CLIC4: variants seen among roughly 807,000 people sequenced by gnomAD.
The protein encoded by CLIC4 is chloride intracellular channel protein 4.
A neutral mutation model predicts 24.6 loss-of-function variants in CLIC4; 13 were observed. That is an observed-to-expected ratio of 0.53 (90% CI 0.34 to 0.84). The LOEUF (loss-of-function observed/expected upper bound fraction) is 0.84, where lower values mean the gene tolerates loss of function less well. CLIC4 is among the 40% of genes least tolerant of loss of function. The pLI is 0.01. For missense variants in CLIC4, 227 were observed against 301.7 expected (o/e 0.75, Z 1.83); for synonymous variants, 104 against 111.3 (o/e 0.93, Z 0.41).
chr1:24,827,665 C>G lies in CLIC4; in HGVS notation c.415+549C>G, dbSNP rs1412701806. On this transcript the variant is annotated intron_variant, in intron 4 of 5. Coordinates refer to ENST00000374379, the MANE Select transcript of CLIC4 (RefSeq NM_013943.3). ...AGACATACTATCCTTCCAAATTTCT[C>G]TGCATCTTCAAGCTGGAATTTCATT... 2.7e-5 allele frequency among the ~76,000 whole-genome samples: 4 copies of G among 150,738 alleles called. No homozygotes were observed. In the East Asian group the frequency reaches 7.8e-4, roughly 30 times the overall value.
At chr1:24,804,053 G>A (rs1639519361) in intron 2 of CLIC4, among the ~76,000 whole-genome samples, 1 of 152,088 alleles carries the variant, frequency 6.6e-6, no homozygotes, top group Non-Finnish European at 1.5e-5. Flanking sequence ...TCATGATCAT[G>A]TCTCTGTGGT....
chr1:24,815,574 A>T (rs1021004070), intron 3 of CLIC4, among the ~76,000 whole-genome samples: 1 of 152,130 alleles, frequency 6.6e-6, no homozygotes, highest in African/African-American at 2.4e-5. Context: ...TTGCCGATGG[A>T]GGGTCTTGCC....
intron 2 of CLIC4, among the ~76,000 whole-genome samples, chr1:24,809,827 C>A (rs1639593967): frequency 6.6e-6 from 1 of 152,138 alleles, no homozygotes; most frequent in South Asian, 2.1e-4. Flanking sequence ...GGAAGGCAGG[C>A]AGGCTAACTT....
chr1:24,781,002 G>T (rs759290403), intron 1 of CLIC4, among the ~76,000 whole-genome samples: 1 of 149,550 alleles, frequency 6.7e-6, no homozygotes, highest in Non-Finnish European at 1.5e-5. Flanking sequence ...CAGGAAAATC[G>T]CTTGAACCTG....
chr1:24,799,204 G>A (rs1473794487), intron 2 of CLIC4, among the ~76,000 whole-genome samples: 4 of 151,604 alleles, frequency 2.6e-5, no homozygotes, highest in Admixed American at 6.6e-5. Context: ...AGTGAGGAGC[G>A]GCGCCTCTTC....
At chr1:24,822,113 A>C (rs1430227042) in intron 3 of CLIC4, among the ~76,000 whole-genome samples, 1 of 152,190 alleles carries the variant, frequency 6.6e-6, no homozygotes, top group Non-Finnish European at 1.5e-5. Flanking sequence ...ATATGACTTC[A>C]AAAATCTGTG....
intron 2 of CLIC4, among the ~76,000 whole-genome samples, chr1:24,809,334 T>A (rs1266141339): frequency 6.6e-6 from 1 of 152,202 alleles, no homozygotes; most frequent in Non-Finnish European, 1.5e-5. Flanking sequence ...CTTTCTAACC[T>A]AAATTGAAAG....
intron 1 of CLIC4, among the ~76,000 whole-genome samples, chr1:24,746,503 A>T (rs1351353772): frequency 1.3e-5 from 2 of 152,256 alleles, no homozygotes; most frequent in Admixed American, 6.5e-5. Flanking sequence ...TTATTTTAGC[A>T]AAGGAGAGAG....
intron 1 of CLIC4, among the ~76,000 whole-genome samples, chr1:24,770,942 G>C (rs1639063703): frequency 6.6e-6 from 1 of 152,130 alleles, no homozygotes; most frequent in Non-Finnish European, 1.5e-5. Flanking sequence ...GATTGTAATA[G>C]AACGGAATGA....
At chr1:24,765,815 CT>C (rs34506030) in intron 1 of CLIC4, among the ~76,000 whole-genome samples, 90 of 135,354 alleles carry the variant, frequency 6.6e-4, no homozygotes, top group Admixed American at 1.1e-3. Flanking sequence ...TTCTTTCTTT[CT>C]TTTTTTTTTT....
intron 1 of CLIC4, among the ~76,000 whole-genome samples, chr1:24,768,903 CAAAAAAA>C (rs71032856): frequency 3.7e-5 from 4 of 107,300 alleles, no homozygotes; most frequent in Non-Finnish European, 5.7e-5. Context: ...TCTGCCTCAC[CAAAAAAA>C]AAAAAAAAAA....
chr1:24,760,102 A>G (rs1638901966), intron 1 of CLIC4, among the ~76,000 whole-genome samples: 1 of 152,176 alleles, frequency 6.6e-6, no homozygotes, highest in Admixed American at 6.5e-5. Flanking sequence ...GTGGTGGTTC[A>G]TGCCTGTAAT....
chr1:24,770,369 A>G, intron 1 of CLIC4, among the ~76,000 whole-genome samples: 1 of 152,010 alleles, frequency 6.6e-6, no homozygotes, highest in East Asian at 1.9e-4. Flanking sequence ...TGTTGGTTCA[A>G]GACTTTATCC....
intron 1 of CLIC4, among the ~76,000 whole-genome samples, chr1:24,777,660 C>G (rs1232779246): frequency 6.6e-6 from 1 of 152,132 alleles, no homozygotes; most frequent in Non-Finnish European, 1.5e-5. Context: ...GCTGTCAATA[C>G]AATTGTCGCT....
intron 1 of CLIC4, among the ~76,000 whole-genome samples, chr1:24,749,788 T>C (rs1638751282): frequency 6.6e-6 from 1 of 152,082 alleles, no homozygotes; most frequent in South Asian, 2.1e-4. Flanking sequence ...CGAGACCCTG[T>C]CTCTACAAAA....
intron 1 of CLIC4, among the ~76,000 whole-genome samples, chr1:24,773,636 A>G (rs908863437): frequency 1.6e-5 from 2 of 122,188 alleles, no homozygotes; most frequent in Non-Finnish European, 3.2e-5. Context: ...TCACTTTGTC[A>G]TCCAGGCTAG....
At chr1:24,788,681 A>T (rs1639300691) in intron 1 of CLIC4, among the ~76,000 whole-genome samples, 1 of 152,186 alleles carries the variant, frequency 6.6e-6, no homozygotes, top group East Asian at 1.9e-4. Flanking sequence ...CATATTATGC[A>T]TTTTTAATTT....
chr1:24,798,734 T>A (rs1187995244), intron 2 of CLIC4, among the ~76,000 whole-genome samples: 1 of 151,400 alleles, frequency 6.6e-6, no homozygotes, highest in African/African-American at 2.4e-5. Context: ...TGCCGCCATC[T>A]CGGCTCACTG....
At chr1:24,839,131 A>G (rs1425487612) in intron 4 of CLIC4, among the ~76,000 whole-genome samples, 1 of 152,194 alleles carries the variant, frequency 6.6e-6, no homozygotes, top group Admixed American at 6.5e-5. Flanking sequence ...TTACTGATAA[A>G]TCAAAATATT....
Sources: gnomAD v4.1 joint callset for allele counts (sites outside exome capture counted in the v4.1 genomes callset) on GRCh38, gnomAD v4.1.1 for gene constraint, MANE v1.5 for transcripts, NCBI Gene and HGNC (gene_info 2026-07-23, HGNC 2026-07-21) for gene names.